The following MACROD2 variants were observed in gnomAD, a reference collection of about 807,000 sequenced individuals.
MACROD2 encodes the protein ADP-ribose glycohydrolase MACROD2.
Under a neutral mutation model 70.4 loss-of-function variants are expected in MACROD2, and 36 were observed. The ratio of observed to expected loss-of-function variants is 0.51; its 90% CI spans 0.39 to 0.68. MACROD2 has a LOEUF of 0.68. MACROD2 is among the 30% of genes least tolerant of loss of function. The pLI is 0.00. For missense variants in MACROD2, 496 were observed against 538.4 expected, an observed-to-expected ratio of 0.92 and a Z score of 0.78; for synonymous variants, 172 against 178.8, an observed-to-expected ratio of 0.96 and a Z score of 0.30.
intron 5 of MACROD2, among the ~76,000 whole-genome samples, chr20:14,934,426 C>T (rs781408371): frequency 6.6e-5 from 10 of 152,270 alleles, no homozygotes; most frequent in Non-Finnish European, 1.0e-4. Flanking sequence ...CCCGTCTCCC[C>T]ATGAGATCAG....
intron 6 of MACROD2, among the ~76,000 whole-genome samples, chr20:15,279,506 G>T (rs968931295): frequency 6.6e-6 from 1 of 152,148 alleles, no homozygotes; most frequent in African/African-American, 2.4e-5. Context: ...TGCAATACCA[G>T]ACTCCAAGAA....
chr20:14,475,267 C>G (rs111981639), intron 3 of MACROD2, among the ~76,000 whole-genome samples: 2,619 of 152,126 alleles, frequency 0.017, 83 homozygotes, highest in African/African-American at 0.06. Context: ...CCATTCCCTC[C>G]AATATTTTGA....
At chr20:14,862,630 A>T (rs868332061) in intron 5 of MACROD2, among the ~76,000 whole-genome samples, 2 of 10,216 alleles carry the variant, frequency 2.0e-4, no homozygotes, top group Non-Finnish European at 4.4e-4. Flanking sequence ...TATATATATA[A>T]ATATATATAT....
chr20:14,772,725 A>G (rs564740308), intron 5 of MACROD2, among the ~76,000 whole-genome samples: 2 of 152,192 alleles, frequency 1.3e-5, no homozygotes, highest in East Asian at 3.9e-4. Context: ...ATAAATTGAC[A>G]ATACTTTTAA....
chr20:14,367,707 T>G (rs1223060362), intron 3 of MACROD2, among the ~76,000 whole-genome samples: 1 of 152,276 alleles, frequency 6.6e-6, no homozygotes, highest in East Asian at 1.9e-4. Context: ...TTCTTTACCC[T>G]TGGTTTCCAG....
At chr20:15,072,627 T>G (rs895542972) in intron 5 of MACROD2, among the ~76,000 whole-genome samples, 3 of 152,164 alleles carry the variant, frequency 2.0e-5, no homozygotes, top group Non-Finnish European at 4.4e-5. Flanking sequence ...CATCAATTAC[T>G]TCCAGTCTAG....
chr20:15,389,231 A>G (rs1312759159), intron 6 of MACROD2, among the ~76,000 whole-genome samples: 7 of 152,236 alleles, frequency 4.6e-5, no homozygotes, highest in Admixed American at 4.6e-4. Context: ...TGAATTTCAG[A>G]TAAACAGTGA....
intron 5 of MACROD2, among the ~76,000 whole-genome samples, chr20:14,891,577 G>C (rs1190153075): frequency 6.6e-6 from 1 of 152,090 alleles, no homozygotes; most frequent in Non-Finnish European, 1.5e-5. Flanking sequence ...ATATGTGTTG[G>C]TTTCATTTTC....
intron 6 of MACROD2, among the ~76,000 whole-genome samples, chr20:15,316,539 G>C (rs957362787): frequency 3.3e-5 from 5 of 152,046 alleles, no homozygotes; most frequent in Admixed American, 3.3e-4. Flanking sequence ...AGAGCCAAAA[G>C]ATATGAAGCA....
At chr20:15,640,572 T>G (rs532635528) in intron 8 of MACROD2, among the ~76,000 whole-genome samples, 2 of 152,224 alleles carry the variant, frequency 1.3e-5, no homozygotes, top group South Asian at 4.1e-4. Flanking sequence ...GCCCTGCCCA[T>G]GCAGAGAACA....
intron 5 of MACROD2, among the ~76,000 whole-genome samples, chr20:14,791,622 C>T (rs952618068): frequency 2.0e-5 from 3 of 152,042 alleles, no homozygotes; most frequent in African/African-American, 7.3e-5. Context: ...TGACCTTAGA[C>T]ATGAATCAAA....
At chr20:14,988,355 C>A (rs867479192) in intron 5 of MACROD2, among the ~76,000 whole-genome samples, 956 of 112,124 alleles carry the variant, frequency 8.5e-3, no homozygotes, top group Middle Eastern at 9.0e-3. Context: ...GAGACTCTGT[C>A]AAAAAAAAAA....
At chr20:15,476,574 C>G (rs992304487) in intron 7 of MACROD2, among the ~76,000 whole-genome samples, 4 of 152,034 alleles carry the variant, frequency 2.6e-5, no homozygotes, top group Admixed American at 1.3e-4. Flanking sequence ...TGTTTTGCCC[C>G]CCCCCGGTAA....
At chr20:15,927,463 G>A (rs180854432) in intron 10 of MACROD2, among the ~76,000 whole-genome samples, 30 of 152,282 alleles carry the variant, frequency 2.0e-4, no homozygotes, top group Non-Finnish European at 3.2e-4. Context: ...GCTCTGCCAC[G>A]AACTGTGTGA....
intron 5 of MACROD2, among the ~76,000 whole-genome samples, chr20:15,006,139 A>G (rs1397243546): frequency 5.3e-5 from 5 of 95,104 alleles, no homozygotes; most frequent in African/African-American, 7.9e-5. Context: ...TTATATATAT[A>G]TATGTGTGTG....
At chr20:14,203,944 C>T (rs985386931) in intron 3 of MACROD2, among the ~76,000 whole-genome samples, 14 of 152,164 alleles carry the variant, frequency 9.2e-5, no homozygotes, top group African/African-American at 2.9e-4. Flanking sequence ...GTGGGTTAGG[C>T]GGGCAGGTCC....
intron 2 of MACROD2, among the ~76,000 whole-genome samples, chr20:14,040,273 A>G (rs2053374102): frequency 6.6e-6 from 1 of 152,198 alleles, no homozygotes; most frequent in Admixed American, 6.5e-5. Flanking sequence ...CTACGAAAGT[A>G]TACAGCATGT....
At chr20:15,387,752 T>C (rs935820618) in intron 6 of MACROD2, among the ~76,000 whole-genome samples, 3 of 151,054 alleles carry the variant, frequency 2.0e-5, no homozygotes, top group African/African-American at 7.3e-5. Flanking sequence ...TTTTTTTTTT[T>C]TTTTTGAGAC....
At chr20:15,328,249 A>G (rs1203977842) in intron 6 of MACROD2, among the ~76,000 whole-genome samples, 1 of 152,006 alleles carries the variant, frequency 6.6e-6, no homozygotes, top group Non-Finnish European at 1.5e-5. Flanking sequence ...AGTAATAACA[A>G]AGACTCAGGA....
Sources: allele counts gnomAD v4.1 joint callset (sites outside exome capture counted in the v4.1 genomes callset), GRCh38; gene constraint gnomAD v4.1.1; transcripts MANE v1.5; gene names NCBI Gene and HGNC (gene_info 2026-07-23, HGNC 2026-07-21).